The following CTNND2 variants were observed in gnomAD, a reference collection of about 807,000 sequenced individuals.
CTNND2 encodes catenin delta-2.
A neutral mutation model predicts 144.4 loss-of-function variants in CTNND2; 22 were observed. That is an observed-to-expected ratio of 0.15 (90% confidence interval 0.11 to 0.22). The LOEUF (loss-of-function observed/expected upper bound fraction) is 0.22. Ranked by LOEUF, CTNND2 falls within the 10% of genes least tolerant of loss-of-function variation. The pLI is 1.00. For missense variants in CTNND2, 1,353 were observed against 1,618.8 expected (o/e 0.84, Z 2.82); for synonymous variants, 751 against 695.6 (o/e 1.08, Z -1.25).
At chr5:11,269,825 A>G (rs1422687081) in intron 9 of CTNND2, among the ~76,000 whole-genome samples, 2 of 152,210 alleles carry the variant, frequency 1.3e-5, no homozygotes, top group Non-Finnish European at 2.9e-5. Context: ...ATTTACTTCA[A>G]TATAACATAA....
chr5:11,106,505 G>A (rs891571888), intron 14 of CTNND2, among the ~76,000 whole-genome samples: 2 of 152,218 alleles, frequency 1.3e-5, no homozygotes, highest in African/African-American at 4.8e-5. Context: ...CCCATCAGTG[G>A]TGTGCCAAAG....
chr5:11,342,642 G>A (rs1754390882), intron 9 of CTNND2, among the ~76,000 whole-genome samples: 1 of 152,166 alleles, frequency 6.6e-6, no homozygotes, highest in Non-Finnish European at 1.5e-5. Flanking sequence ...TACACATTAT[G>A]TCAGTAATAT....
rs79129535 is a variant in CTNND2, at chr5:11,610,066, G to C, written c.175-45010C>G. ...CAACAATATAAGTGCCGATGACAAA[G>C]AGTTTTATGACTTGTTCCAGACACA... is the stretch of plus-strand genomic sequence containing the variant. On this transcript the variant is annotated intron_variant, in intron 2 of 21. Transcript: ENST00000304623. Among the ~76,000 whole-genome samples the C allele has an allele frequency of 5.3e-5, 8 of 152,330 alleles. No individual in the cohort carries two copies. In the East Asian group the frequency reaches 1.4e-3, roughly 26 times the overall value.
intron 11 of CTNND2, among the ~76,000 whole-genome samples, chr5:11,183,063 T>C (rs1735259158): frequency 6.6e-6 from 1 of 152,242 alleles, no homozygotes; most frequent in Non-Finnish European, 1.5e-5. Context: ...ATCATTTCCT[T>C]CTTTTCAATC....
intron 2 of CTNND2, among the ~76,000 whole-genome samples, chr5:11,714,144 T>G (rs1025078552): frequency 6.6e-6 from 1 of 152,166 alleles, no homozygotes; most frequent in Non-Finnish European, 1.5e-5. Context: ...ATCTGAAACA[T>G]AGTGAATGAA....
chr5:10,989,898 T>A (rs1738473336), intron 19 of CTNND2, among the ~76,000 whole-genome samples: 1 of 152,148 alleles, frequency 6.6e-6, no homozygotes, highest in Admixed American at 6.5e-5. Flanking sequence ...CAAAATAAAA[T>A]CACGCCTCAA....
At chr5:11,166,602 G>A (rs1759362092) in intron 11 of CTNND2, among the ~76,000 whole-genome samples, 1 of 151,874 alleles carries the variant, frequency 6.6e-6, no homozygotes, top group African/African-American at 2.4e-5. Flanking sequence ...TGGTGGGAGT[G>A]GGAGGGGGAG....
At chr5:11,880,624 C>T (rs1403763991) in intron 1 of CTNND2, among the ~76,000 whole-genome samples, 2 of 142,760 alleles carry the variant, frequency 1.4e-5, no homozygotes, top group Non-Finnish European at 3.0e-5. Flanking sequence ...ACTACTACTG[C>T]TACTAGTACT....
chr5:11,567,901 G>A (rs1326052387), intron 2 of CTNND2, among the ~76,000 whole-genome samples: 1 of 152,130 alleles, frequency 6.6e-6, no homozygotes, highest in East Asian at 1.9e-4. Context: ...TTCTGGATAG[G>A]TTTGTATTCC....
chr5:11,223,413 T>G (rs1369930954), intron 10 of CTNND2, among the ~76,000 whole-genome samples: 1 of 152,214 alleles, frequency 6.6e-6, no homozygotes, highest in Non-Finnish European at 1.5e-5. Flanking sequence ...ATGCCAGTTT[T>G]CCTTTCTTGC....
chr5:11,860,126 CAT>C (rs1795435026), intron 1 of CTNND2, among the ~76,000 whole-genome samples: 1 of 152,162 alleles, frequency 6.6e-6, no homozygotes, highest in Non-Finnish European at 1.5e-5. Context: ...TACAATTAAA[CAT>C]GTGAAAACTT....
At chr5:11,043,312 T>C (rs1317102147) in intron 16 of CTNND2, among the ~76,000 whole-genome samples, 2 of 152,228 alleles carry the variant, frequency 1.3e-5, no homozygotes, top group African/African-American at 4.8e-5. Flanking sequence ...TGTATGTTTG[T>C]TAGTTAACCA....
intron 1 of CTNND2, among the ~76,000 whole-genome samples, chr5:11,847,453 T>C (rs1216568605): frequency 1.3e-5 from 2 of 150,972 alleles, no homozygotes; most frequent in Admixed American, 6.6e-5. Flanking sequence ...AAGTAGAGAG[T>C]AGAATAGTGG....
At chr5:11,161,934 G>A (rs1322714074) in intron 11 of CTNND2, among the ~76,000 whole-genome samples, 2 of 152,052 alleles carry the variant, frequency 1.3e-5, no homozygotes, top group African/African-American at 2.4e-5. Flanking sequence ...GGTGGATCAC[G>A]AGGTCAGGAG....
intron 3 of CTNND2, among the ~76,000 whole-genome samples, chr5:11,564,608 A>G (rs1581508744): frequency 6.6e-6 from 1 of 151,566 alleles, no homozygotes; most frequent in African/African-American, 2.4e-5. Flanking sequence ...GGAGCTCTGG[A>G]TCATTTACGA....
intron 10 of CTNND2, among the ~76,000 whole-genome samples, chr5:11,221,237 G>A (rs1739759826): frequency 6.6e-6 from 1 of 152,214 alleles, no homozygotes; most frequent in Non-Finnish European, 1.5e-5. Context: ...GATACGAAAT[G>A]ACTGAAACAT....
chr5:11,721,640 C>A (rs1221252237), intron 2 of CTNND2, among the ~76,000 whole-genome samples: 2 of 152,202 alleles, frequency 1.3e-5, no homozygotes, highest in African/African-American at 4.8e-5. Context: ...GCTGATGGCT[C>A]ACTGGAAAGG....
intron 3 of CTNND2, among the ~76,000 whole-genome samples, chr5:11,496,809 A>C (rs1769991736): frequency 6.6e-6 from 1 of 152,186 alleles, no homozygotes; most frequent in Non-Finnish European, 1.5e-5. Flanking sequence ...AGTTCTGCTT[A>C]TAAGGTTCTT....
At chr5:11,458,324 G>A (rs1765907967) in intron 3 of CTNND2, among the ~76,000 whole-genome samples, 1 of 152,212 alleles carries the variant, frequency 6.6e-6, no homozygotes, top group African/African-American at 2.4e-5. Flanking sequence ...GGTATGGATT[G>A]GGTAGTTTAT....
Sources: gnomAD v4.1 joint callset for allele counts (sites outside exome capture counted in the v4.1 genomes callset) on GRCh38, gnomAD v4.1.1 for gene constraint, MANE v1.5 for transcripts, NCBI Gene and HGNC (gene_info 2026-07-23, HGNC 2026-07-21) for gene names.